The following PPFIBP1 variants were observed in gnomAD, a reference collection of about 807,000 sequenced individuals.
The protein encoded by PPFIBP1 is PPFIB scaffold protein 1, also known as liprin-beta-1.
PPFIBP1 carries 112 observed loss-of-function variants against 137.8 expected under a neutral mutation model. That is an observed-to-expected ratio of 0.81 (90% CI 0.70 to 0.95). The LOEUF (loss-of-function observed/expected upper bound fraction) is 0.95. PPFIBP1 is among the 40% of genes least tolerant of loss of function. The pLI, the probability that PPFIBP1 is intolerant of heterozygous loss-of-function variation, is 0.00. For missense variants in PPFIBP1, 1,083 were observed against 1,196.6 expected (o/e 0.91, Z 1.40); for synonymous variants, 378 against 417.3 (o/e 0.91, Z 1.15).
At position 27,664,465 on chromosome 12, in the gene PPFIBP1, A is replaced by C; in HGVS notation, c.991+19A>C. The C allele has an allele frequency of 6.4e-7, 1 of 1,551,152 alleles. No individual in the cohort carries two copies. The highest frequency in any genetic ancestry group is 8.8e-7 in the Non-Finnish European group (1 of 1,141,378). ...AAAAAAGGTAGAGTGTAGCTCTAAA[A>C]GTTTTTCTACTTTGGTTGACTCTAA... is the stretch of plus-strand genomic sequence containing the variant. On this transcript the variant is annotated intron_variant, in intron 12 of 29. Coordinates refer to ENST00000228425, the MANE Select transcript of PPFIBP1 (RefSeq NM_003622.4).
At chr12:27,687,320 T>A in intron 24 of PPFIBP1, 65 bp from the exon 25 acceptor site, 18 of 1,540,580 alleles carry the variant, frequency 1.2e-5, no homozygotes, top group Admixed American at 5.7e-5. Context: ...TTTCTGAGAT[T>A]CCCTAAGAAA....
At chr12:27,677,434 C>CTA (rs1385176909) in intron 19 of PPFIBP1, 1 of 332,618 alleles carries the variant, frequency 3.0e-6, no homozygotes, top group Non-Finnish European at 5.6e-6. Context: ...TTACCACACA[C>CTA]TAACTCCCAG....
At chr12:27,595,755 G>A (rs1259916731) in intron 2 of PPFIBP1, among the ~76,000 whole-genome samples, 3 of 151,832 alleles carry the variant, frequency 2.0e-5, no homozygotes, top group African/African-American at 7.3e-5. Context: ...TCAGGAGGCT[G>A]AGGCAGGAGA....
chr12:27,589,863 C>T lies in PPFIBP1; in HGVS notation c.-36+11624C>T, dbSNP rs554672828. 2.0e-5 allele frequency among the ~76,000 whole-genome samples: 3 copies of T among 152,268 alleles called. No homozygotes were observed. In the East Asian group the frequency reaches 5.8e-4, roughly 29 times the overall value. On this transcript the variant is annotated intron_variant, in intron 2 of 29. Coordinates refer to ENST00000228425, the MANE Select transcript of PPFIBP1 (RefSeq NM_003622.4). ...CTAGTCTAAAGCAACAGTAAGGCTC[C>T]TTGCATATTTGTTGAATTAAATTTT...
At position 27,606,260 on chromosome 12, in the gene PPFIBP1, A is replaced by G. The variant is rs576670124; in HGVS notation, c.-35-27102A>G. Among the ~76,000 whole-genome samples, 13 of 152,130 alleles carry G rather than the reference A, an allele frequency of 8.5e-5. No individual in the cohort carries two copies. In the South Asian group the frequency reaches 1.0e-3, roughly 12 times the overall value. On this transcript the variant is annotated intron_variant, in intron 2 of 29. Coordinates refer to ENST00000228425, the MANE Select transcript of PPFIBP1 (RefSeq NM_003622.4). Reference sequence around the variant, plus strand: ...TGTCTCTTGACTTCCTTCTGTTTCTATTGTATAATGTGTTTTGCAGTAACT... The same window carrying G: ...TGTCTCTTGACTTCCTTCTGTTTCTGTTGTATAATGTGTTTTGCAGTAACT...
At chr12:27,669,911 ATGGT>A (rs1565980148) in intron 13 of PPFIBP1, among the ~76,000 whole-genome samples, 1 of 152,094 alleles carries the variant, frequency 6.6e-6, no homozygotes, top group Non-Finnish European at 1.5e-5. Context: ...GGTTTTTGAG[ATGGT>A]TGGAGCTCAA....
At chr12:27,588,479 A>G (rs1019328896) in intron 2 of PPFIBP1, among the ~76,000 whole-genome samples, 33 of 152,226 alleles carry the variant, frequency 2.2e-4, no homozygotes, top group African/African-American at 7.2e-4. Context: ...CAAAAGACGC[A>G]TGACAGAAGG....
At chr12:27,645,849 CT>C (rs548782871) in intron 4 of PPFIBP1, among the ~76,000 whole-genome samples, 8 of 152,298 alleles carry the variant, frequency 5.3e-5, no homozygotes, top group African/African-American at 1.9e-4. Context: ...AAATTGTTTA[CT>C]TTGGCAAAAC....
rs1378997260 is a variant in PPFIBP1, at chr12:27,595,294, A to G, written c.-36+17055A>G. 1.1e-4 allele frequency among the ~76,000 whole-genome samples: 16 copies of G among 152,310 alleles called. No homozygotes were observed. The East Asian group carries it at 2.9e-3, about 28-fold the overall frequency. On this transcript the variant is annotated intron_variant, in intron 2 of 29. Transcript: ENST00000228425. ...CACACATGCGTGTGCTCACACACAC[A>G]CATGCACGCAAGACTGTCACACCCT... is the stretch of plus-strand genomic sequence containing the variant.
intron 5 of PPFIBP1, among the ~76,000 whole-genome samples, chr12:27,647,279 G>A (rs2058576630): frequency 6.6e-6 from 1 of 152,146 alleles, no homozygotes; most frequent in East Asian, 1.9e-4. Context: ...GGGATTACAG[G>A]CGTGAGCCAC....
chr12:27,562,854 A>C (rs2049275236), intron 1 of PPFIBP1, among the ~76,000 whole-genome samples: 1 of 152,222 alleles, frequency 6.6e-6, no homozygotes, highest in African/African-American at 2.4e-5. Flanking sequence ...GAAATAATTC[A>C]TATAAAAGCA....
intron 20 of PPFIBP1, 103 bp downstream of exon 20, chr12:27,679,742 T>C: frequency 7.0e-6 from 10 of 1,434,408 alleles, no homozygotes; most frequent in Non-Finnish European, 9.5e-6. Flanking sequence ...ATTCCTCTTA[T>C]GGAAGGAAGT....
intron 2 of PPFIBP1, among the ~76,000 whole-genome samples, chr12:27,618,521 A>G (rs965819806): frequency 5.3e-5 from 8 of 152,208 alleles, no homozygotes; most frequent in Non-Finnish European, 1.0e-4. Context: ...ATTGATAGTA[A>G]GTCTTTAGAT....
chr12:27,592,911 A>T (rs1279553566), intron 2 of PPFIBP1, among the ~76,000 whole-genome samples: 1 of 152,068 alleles, frequency 6.6e-6, no homozygotes, highest in African/African-American at 2.4e-5. Context: ...AGGCCGAGGC[A>T]TGTGGATCAC....
At chr12:27,626,756 G>A (rs774684523) in intron 2 of PPFIBP1, among the ~76,000 whole-genome samples, 26 of 152,024 alleles carry the variant, frequency 1.7e-4, no homozygotes, top group Admixed American at 3.9e-4. Flanking sequence ...AGTAGAGGTG[G>A]GATTTCACCA....
intron 1 of PPFIBP1, among the ~76,000 whole-genome samples, chr12:27,566,774 T>C (rs1292815957): frequency 6.6e-6 from 1 of 152,142 alleles, no homozygotes; most frequent in Admixed American, 6.5e-5. Context: ...AGTCAGCTTG[T>C]TTAAGGCCAC....
chr12:27,652,703 A>G (rs1235888799), intron 7 of PPFIBP1, among the ~76,000 whole-genome samples: 1 of 152,200 alleles, frequency 6.6e-6, no homozygotes, highest in African/African-American at 2.4e-5. Context: ...TCTTTGCACG[A>G]GCAAAGAAGA....
At chr12:27,601,657 G>A (rs1217285400) in intron 2 of PPFIBP1, among the ~76,000 whole-genome samples, 3 of 150,120 alleles carry the variant, frequency 2.0e-5, no homozygotes, top group Non-Finnish European at 3.0e-5. Flanking sequence ...CAGCCATGCT[G>A]CCTCTTTTGA....
intron 2 of PPFIBP1, among the ~76,000 whole-genome samples, chr12:27,631,729 A>G (rs1422330039): frequency 6.6e-6 from 1 of 151,998 alleles, no homozygotes; most frequent in Admixed American, 6.5e-5. Flanking sequence ...GAACTCGGTA[A>G]CTATTGTACC....
Sources: allele counts gnomAD v4.1 joint callset (sites outside exome capture counted in the v4.1 genomes callset), GRCh38; gene constraint gnomAD v4.1.1; transcripts MANE v1.5; gene names NCBI Gene and HGNC (gene_info 2026-07-23, HGNC 2026-07-21).